PRELID3A: variants seen among roughly 807,000 people sequenced by gnomAD.
The protein encoded by PRELID3A is PRELI domain containing protein 3A.
A neutral mutation model predicts 23.0 loss-of-function variants in PRELID3A; 27 were observed. The ratio of observed to expected loss-of-function variants is 1.17; its 90% CI spans 0.87 to 1.62. PRELID3A has a LOEUF of 1.62. Among genes scored for constraint, PRELID3A ranks in the 40% most tolerant of loss-of-function variants. The pLI is 0.00. For missense variants in PRELID3A, 231 were observed against 231.4 expected (o/e 1.00, Z 0.01); for synonymous variants, 87 against 86.4 (o/e 1.01, Z -0.04).
At position 12,431,847 on chromosome 18, in the gene PRELID3A, C is replaced by T. The variant is rs1182810967; in HGVS notation, c.*731C>T. ...GCCCGGGGGACATCCTGCGCCCAGG[C>T]TGGAGGCCCTGCCTCGCTGCTTGCC... On this transcript the variant is annotated 3_prime_UTR_variant, in exon 7 of 7. Coordinates refer to ENST00000440960, the MANE Select transcript of PRELID3A (RefSeq NM_001142405.2). 6.6e-6 allele frequency: 1 copy of T among 152,288 alleles called. No individual in the cohort carries two copies. Among genetic ancestry groups the T allele is most frequent in the Non-Finnish European group, 1.5e-5 (1 of 68,100 alleles). 9.4% of individuals were successfully genotyped at this position (152,288 alleles called of 1,614,324 possible).
chr18:12,420,798 TG>T (rs1384778556), intron 2 of PRELID3A, among the ~76,000 whole-genome samples: 2 of 5,734 alleles, frequency 3.5e-4, no homozygotes, highest in African/African-American at 7.7e-4. Context: ...GGTCACGGGG[TG>T]GGGGGACGGT....
At chr18:12,420,921 A>G (rs1339865839) in intron 2 of PRELID3A, among the ~76,000 whole-genome samples, 2 of 151,882 alleles carry the variant, frequency 1.3e-5, no homozygotes, top group African/African-American at 4.8e-5. Flanking sequence ...TAGCACTGCC[A>G]GGCGCCCCTC....
chr18:12,430,073 C>G (rs904297710), intron 6 of PRELID3A, among the ~76,000 whole-genome samples: 1 of 152,234 alleles, frequency 6.6e-6, no homozygotes, highest in South Asian at 2.1e-4. Flanking sequence ...CTGGGCTGCT[C>G]GTCCCCATCT....
At chr18:12,408,367 T>C (rs910811593) in intron 1 of PRELID3A, among the ~76,000 whole-genome samples, 2 of 151,766 alleles carry the variant, frequency 1.3e-5, no homozygotes, top group African/African-American at 4.8e-5. Flanking sequence ...GGCCTGGCGC[T>C]CGCTGCTCTC....
At chr18:12,423,560 A>AG (rs143332203) in intron 3 of PRELID3A, among the ~76,000 whole-genome samples, 155 of 152,218 alleles carry the variant, frequency 1.0e-3, no homozygotes, top group African/African-American at 3.6e-3. Flanking sequence ...GAGAAGAGAG[A>AG]GGTAAGCTTG....
At chr18:12,416,268 C>T (rs1785322) in intron 1 of PRELID3A, among the ~76,000 whole-genome samples, 2,809 of 152,222 alleles carry the variant, frequency 0.018, 80 homozygotes, top group African/African-American at 0.064. Context: ...CCATTGAAAG[C>T]GTGTCAGGCT....
intron 5 of PRELID3A, among the ~76,000 whole-genome samples, chr18:12,427,839 G>GAAAGCCA (rs1341444538): frequency 6.6e-6 from 1 of 152,152 alleles, no homozygotes; most frequent in Non-Finnish European, 1.5e-5. Flanking sequence ...GTGTGTGCAT[G>GAAAGCCA]AAAGCCAAGG....
At chr18:12,416,920 C>T (rs911832674) in intron 1 of PRELID3A, among the ~76,000 whole-genome samples, 2 of 152,156 alleles carry the variant, frequency 1.3e-5, no homozygotes, top group African/African-American at 4.8e-5. Flanking sequence ...ACTGGGATTA[C>T]AGGCACAAAC....
chr18:12,427,202 T>C lies in PRELID3A; in HGVS notation c.363-19T>C, dbSNP rs758507885. 1.4e-5 allele frequency: 22 copies of C among 1,612,262 alleles called. No homozygotes were observed. The highest frequency in any genetic ancestry group is 1.8e-5 in the Non-Finnish European group (21 of 1,178,488). ...TCTCTCAGGGCTGGTCAGCCCCTTT[T>C]CTTCTTGCTCTTTTGCAGGACCGTG... On this transcript the variant is annotated intron_variant, in intron 4 of 6. Coordinates refer to ENST00000440960, the MANE Select transcript of PRELID3A (RefSeq NM_001142405.2).
intron 3 of PRELID3A, among the ~76,000 whole-genome samples, chr18:12,421,949 G>C (rs1002145983): frequency 6.6e-6 from 1 of 151,794 alleles, no homozygotes; most frequent in Non-Finnish European, 1.5e-5. Context: ...AGACGTTTTT[G>C]TTTTTTTAAA....
In PRELID3A at chr18:12,420,512, G is replaced by A; in HGVS notation, c.201+19G>A. Reference sequence around the variant, plus strand: ...GAGAGCGGTGAGCGGGGCGGGGGCTGCGGCTCCGAACGCGCCCGACTCCCC... The same window carrying A: ...GAGAGCGGTGAGCGGGGCGGGGGCTACGGCTCCGAACGCGCCCGACTCCCC... On this transcript the variant is annotated intron_variant, in intron 2 of 6. Transcript: ENST00000440960. 1 of 1,503,388 alleles carries A rather than the reference G, an allele frequency of 6.7e-7. No individual in the cohort carries two copies. Among genetic ancestry groups the A allele is most frequent in the African/African-American group, 1.4e-5 (1 of 70,664 alleles). 93.1% of individuals were successfully genotyped at this position (1,503,388 alleles called of 1,614,324 possible). A position where few individuals can be genotyped will look rare whatever the true frequency, so the allele number is the denominator to read the frequency against.
intron 1 of PRELID3A, among the ~76,000 whole-genome samples, chr18:12,413,925 A>G (rs1026605878): frequency 6.6e-6 from 1 of 152,170 alleles, no homozygotes; most frequent in Admixed American, 6.5e-5. Context: ...TTGGCAGCAA[A>G]TGCTATCAGT....
At position 12,420,416 on chromosome 18, in the gene PRELID3A, C is replaced by A; in HGVS notation, c.124C>A (p.Arg42Ser). ...SVLGVDVLQR[R>S]VDGRGRLHSL... is the part of the protein sequence containing the mutation. The stretch of plus-strand genomic sequence containing the variant: ...GCTGGGCGTGGATGTGCTACAGCGC[C>A]GCGTGGACGGCCGCGGCCGCCTGCA... Residue 42 changes from arginine (R) to serine (S), a missense_variant, in exon 2 of 7, where the codon CGC (arginine) becomes AGC (serine). Transcript: ENST00000440960. 6.2e-7 allele frequency: 1 copy of A among 1,601,032 alleles called. No individual in the cohort carries two copies. Among genetic ancestry groups the A allele is most frequent in the East Asian group, 2.3e-5 (1 of 44,244 alleles).
intron 5 of PRELID3A, 49 bp downstream of exon 5, chr18:12,427,372 G>T: frequency 7.6e-7 from 1 of 1,314,456 alleles, no homozygotes; most frequent in Non-Finnish European, 1.1e-6. Flanking sequence ...GTTGTTAAGT[G>T]CCAGATTAAG....
chr18:12,425,464 C>G (rs1473788905), intron 3 of PRELID3A, among the ~76,000 whole-genome samples: 1 of 93,208 alleles, frequency 1.1e-5, no homozygotes. Context: ...ACTAAAAATA[C>G]AAAAAAAAAA....
chr18:12,420,011 A>T, intron 1 of PRELID3A: 1 of 620,006 alleles, frequency 1.6e-6, no homozygotes, highest in Non-Finnish European at 2.4e-6. Flanking sequence ...CTGAGGCAGG[A>T]TGTTCACTTG....
chr18:12,424,763 C>G (rs540055935), intron 3 of PRELID3A, among the ~76,000 whole-genome samples: 1 of 152,320 alleles, frequency 6.6e-6, no homozygotes, highest in African/African-American at 2.4e-5. Context: ...AGAGGGTGAA[C>G]TGAGTTAAAC....
intron 1 of PRELID3A, among the ~76,000 whole-genome samples, chr18:12,413,922 C>T (rs2029877713): frequency 6.6e-6 from 1 of 152,228 alleles, no homozygotes; most frequent in Non-Finnish European, 1.5e-5. Context: ...TCTTTGGCAG[C>T]AAATGCTATC....
intron 1 of PRELID3A, among the ~76,000 whole-genome samples, chr18:12,414,410 G>A (rs973109452): frequency 3.9e-5 from 6 of 152,130 alleles, no homozygotes; most frequent in Admixed American, 2.0e-4. Flanking sequence ...CAGAATTAGC[G>A]CAAATGTCAA....
Sources: gnomAD v4.1 joint callset for allele counts (sites outside exome capture counted in the v4.1 genomes callset) on GRCh38, gnomAD v4.1.1 for gene constraint, MANE v1.5 for transcripts, NCBI Gene and HGNC (gene_info 2026-07-23, HGNC 2026-07-21) for gene names.